Variants in CECR2 observed in about 807,000 individuals in gnomAD.
CECR2 encodes CECR2 histone acetyl-lysine reader.
Under a neutral mutation model 154.5 loss-of-function variants are expected in CECR2, and 30 were observed. The observed-to-expected ratio is 0.19, with a 90% CI of 0.15 to 0.26. CECR2 has a LOEUF of 0.26. Ranked by LOEUF, CECR2 falls within the 10% of genes least tolerant of loss-of-function variation. The probability of loss-of-function intolerance (pLI) is 1.00; values close to 1 mark genes in which losing one functional copy is unlikely to be tolerated. For synonymous variants in CECR2, 725 were observed against 683.7 expected (o/e 1.06, Z -0.94); for missense variants, 1,743 against 1,829.3 (o/e 0.95, Z 0.86).
intron 1 of CECR2, among the ~76,000 whole-genome samples, chr22:17,469,432 G>T (rs897895443): frequency 6.6e-6 from 1 of 152,144 alleles, no homozygotes; most frequent in Non-Finnish European, 1.5e-5. Flanking sequence ...TAGTTTCGAC[G>T]GGGTCATTTC....
chr22:17,551,067 C>T (rs982071386), intron 17 of CECR2, among the ~76,000 whole-genome samples: 18 of 152,184 alleles, frequency 1.2e-4, no homozygotes, highest in African/African-American at 1.2e-4. Flanking sequence ...AACATTTTGT[C>T]GTGTTTGCTT....
At chr22:17,503,603 T>G (rs181804783) in intron 6 of CECR2, among the ~76,000 whole-genome samples, 129 of 152,350 alleles carry the variant, frequency 8.5e-4, no homozygotes, top group Non-Finnish European at 7.6e-4. Flanking sequence ...AAACCATTTC[T>G]GTCAATATAT....
chr22:17,536,473 C>T (rs2056438869), intron 9 of CECR2, among the ~76,000 whole-genome samples: 1 of 152,186 alleles, frequency 6.6e-6, no homozygotes, highest in Non-Finnish European at 1.5e-5. Context: ...AAATCATCAT[C>T]CCTGCCTTCC....
intron 9 of CECR2, among the ~76,000 whole-genome samples, chr22:17,528,270 T>G (rs1362600468): frequency 6.6e-6 from 1 of 152,080 alleles, no homozygotes; most frequent in Non-Finnish European, 1.5e-5. Context: ...TGGATAGAAC[T>G]GGAGGTTATT....
At chr22:17,459,287 C>G (rs1212996789) in intron 1 of CECR2, among the ~76,000 whole-genome samples, 5 of 152,122 alleles carry the variant, frequency 3.3e-5, no homozygotes, top group African/African-American at 1.2e-4. Context: ...TTTCTTTCTT[C>G]CTCTTTTCCT....
intron 1 of CECR2, among the ~76,000 whole-genome samples, chr22:17,413,859 A>G (rs1314710555): frequency 7.1e-6 from 1 of 139,896 alleles, no homozygotes; most frequent in African/African-American, 2.6e-5. Context: ...TTTTTTTTTT[A>G]GTAGAGACAG....
rs1479640468 is a variant in CECR2 at position 17,449,480 on chromosome 22, G to GTCCTT, written c.127-28107_127-28106insCCTTT. On this transcript the variant is annotated intron_variant, in intron 1 of 18. Transcript: ENST00000262608. ...GCTCCGCACATCTAATTGGTAACCA[G>GTCCTT]TTCTTTTTTTTTTTTTTTTTTTTTT... Among the ~76,000 whole-genome samples the GTCCTT allele has an allele frequency of 2.0e-3, 194 of 97,092 alleles. 2 individuals carry two copies. Among genetic ancestry groups the GTCCTT allele is most frequent in the South Asian group, 5.1e-3 (13 of 2,550 alleles). 63.7% of individuals were successfully genotyped at this position (97,092 alleles called of 152,430 possible).
At chr22:17,530,575 G>T (rs2056338962) in intron 9 of CECR2, among the ~76,000 whole-genome samples, 1 of 151,980 alleles carries the variant, frequency 6.6e-6, no homozygotes, top group South Asian at 2.1e-4. Context: ...TACTCGGGAG[G>T]CTGAGACAGG....
intron 1 of CECR2, among the ~76,000 whole-genome samples, chr22:17,374,270 AC>A (rs1219329041): frequency 2.6e-5 from 4 of 152,140 alleles, no homozygotes; most frequent in African/African-American, 4.8e-5. Context: ...AAGATCTCTT[AC>A]CTAATCAGCA....
rs1308366287 is a variant in CECR2 at position 17,549,573 on chromosome 22, G to T, written c.4277+9G>T. 1.8e-5 allele frequency: 28 copies of T among 1,551,176 alleles called. No homozygotes were observed. Among genetic ancestry groups the T allele is most frequent in the Non-Finnish European group, 2.5e-5 (28 of 1,142,592 alleles). ...ATGTACAGACCATCAGGGTAAGATT[G>T]CATTCAGGCTTTTCCCCCTAAAGAG... On this transcript the variant is annotated intron_variant, in intron 17 of 18. Coordinates refer to ENST00000262608, the MANE Select transcript of CECR2 (RefSeq NM_001290047.2).
chr22:17,527,870 A>C (rs2146977699), intron 9 of CECR2, among the ~76,000 whole-genome samples: 1 of 152,308 alleles, frequency 6.6e-6, no homozygotes, highest in South Asian at 2.1e-4. Context: ...ATATCATCTT[A>C]CACAGTTAAA....
Position 17,542,517 on chromosome 22 carries a change from C to A in CECR2, c.2374C>A (p.Pro792Thr), listed in dbSNP as rs1414112929. 1 of 1,613,976 alleles carries A rather than the reference C, an allele frequency of 6.2e-7. No homozygotes were observed. Among genetic ancestry groups the A allele is most frequent in the African/African-American group, 1.3e-5 (1 of 75,046 alleles). ...AGGACCCTTGGGCCCAGATGAGAAG[C>A]CCCACCTGGGGCCAGGACCCTCTCA... ...NQGPLGPDEK[P>T]HLGPGPSHQP... The change falls in exon 16 of 19, where the codon CCC becomes ACC. Residue 792 changes from proline to threonine, a missense_variant. Coordinates refer to ENST00000262608, the MANE Select transcript of CECR2 (RefSeq NM_001290047.2).
intron 1 of CECR2, among the ~76,000 whole-genome samples, chr22:17,370,322 G>GC (rs1201379261): frequency 3.3e-5 from 5 of 150,174 alleles, no homozygotes; most frequent in African/African-American, 1.2e-4. Context: ...CCGGGCGCGG[G>GC]GGGGGGGCCC....
At chr22:17,545,699 C>T (rs1427490522) in intron 16 of CECR2, among the ~76,000 whole-genome samples, 2 of 151,606 alleles carry the variant, frequency 1.3e-5, no homozygotes, top group Admixed American at 6.6e-5. Context: ...AAAAATCAGC[C>T]GGGAACAGTG....
intron 7 of CECR2, among the ~76,000 whole-genome samples, chr22:17,508,786 C>A (rs1031394871): frequency 6.6e-6 from 1 of 152,118 alleles, no homozygotes; most frequent in African/African-American, 2.4e-5. Context: ...CAAAATATAT[C>A]CTCATTGTTA....
chr22:17,458,403 G>A (rs2054886407), intron 1 of CECR2, among the ~76,000 whole-genome samples: 1 of 146,946 alleles, frequency 6.8e-6, no homozygotes, highest in Non-Finnish European at 1.5e-5. Flanking sequence ...GACAGAGCAA[G>A]TCTCTGTCTC....
rs1008056680 is a variant in CECR2 at position 17,421,885 on chromosome 22, TA to T, written c.126+51979del. 2.5e-3 allele frequency among the ~76,000 whole-genome samples: 372 copies of T among 150,414 alleles called. 3 individuals are homozygous for T. The highest frequency in any genetic ancestry group is 8.5e-3 in the African/African-American group (349 of 41,112). On this transcript the variant is annotated intron_variant, in intron 1 of 18. Coordinates refer to ENST00000262608, the MANE Select transcript of CECR2 (RefSeq NM_001290047.2). ...AACAAAAAAAACTTTTTTTTTTTTT[TA>T]AATTTCTTACAAGGCAGGTCTACAC...
chr22:17,517,365 A>T (rs149271998), intron 8 of CECR2, among the ~76,000 whole-genome samples: 1 of 152,176 alleles, frequency 6.6e-6, no homozygotes, highest in African/African-American at 2.4e-5. Context: ...TTGTGAGTCA[A>T]TTAAGCCTCT....
intron 1 of CECR2, among the ~76,000 whole-genome samples, chr22:17,404,364 C>CCTTTTTTTTTTTTTTTTT (rs781954770): frequency 5.0e-5 from 3 of 59,608 alleles, no homozygotes; most frequent in African/African-American, 2.3e-4. Flanking sequence ...GGACCCTGTT[C>CCTTTTTTTTTTTTTTTTT]TTTCTTTTTT....
Sources: gnomAD v4.1 joint callset for allele counts (sites outside exome capture counted in the v4.1 genomes callset) on GRCh38, gnomAD v4.1.1 for gene constraint, MANE v1.5 for transcripts, NCBI Gene and HGNC (gene_info 2026-07-23, HGNC 2026-07-21) for gene names.